The following MYO9B variants were observed in gnomAD, a reference collection of about 807,000 sequenced individuals.
MYO9B encodes myosin IXB, also known as unconventional myosin-IXb.
A neutral mutation model predicts 229.5 loss-of-function variants in MYO9B; 71 were observed. That is an observed-to-expected ratio of 0.31 (90% CI 0.26 to 0.38). The LOEUF (loss-of-function observed/expected upper bound fraction) is 0.38, where lower values mean the gene tolerates loss of function less well. Ranked by LOEUF, MYO9B falls within the 10% of genes least tolerant of loss-of-function variation. The probability of loss-of-function intolerance (pLI) is 1.00; values close to 1 mark genes in which losing one functional copy is unlikely to be tolerated. For synonymous variants in MYO9B, 1,185 were observed against 1,235.8 expected (o/e 0.96, Z 0.86); for missense variants, 2,255 against 2,920.5 (o/e 0.77, Z 5.25).
In MYO9B at chr19:17,210,324, C is replaced by G; in HGVS notation, c.5749-9C>G. The G allele has an allele frequency of 1.3e-6, 2 of 1,593,336 alleles. No individual in the cohort carries two copies. The highest frequency in any genetic ancestry group is 1.7e-6 in the Non-Finnish European group (2 of 1,169,464). ...CCGTGTGGTCACCCTGTGTTCATCT[C>G]TCTCCCAGCCATGGCCTCTCAAACT... is the stretch of plus-strand genomic sequence containing the variant. On this transcript the variant is annotated splice_polypyrimidine_tract_variant and intron_variant, in intron 36 of 39. Transcript: ENST00000682292.
intron 13 of MYO9B, among the ~76,000 whole-genome samples, chr19:17,175,164 T>G (rs1006802816): frequency 1.3e-5 from 2 of 151,502 alleles, no homozygotes; most frequent in Admixed American, 1.3e-4. Flanking sequence ...CCCCAGCTAC[T>G]TGGGAGGCTG....
intron 2 of MYO9B, among the ~76,000 whole-genome samples, chr19:17,114,718 G>A (rs949873787): frequency 4.6e-5 from 7 of 152,020 alleles, no homozygotes; most frequent in African/African-American, 1.7e-4. Context: ...GGATTCTGTG[G>A]TCCTCCCTGT....
In MYO9B at chr19:17,140,739, C is replaced by T. The variant is rs769835704; in HGVS notation, c.841-4658C>T. 6.4e-4 allele frequency among the ~76,000 whole-genome samples: 97 copies of T among 151,270 alleles called. 1 individual carries two copies. The highest frequency in any genetic ancestry group is 1.4e-3 in the Admixed American group (21 of 15,228). On this transcript the variant is annotated intron_variant, in intron 2 of 39. Coordinates refer to ENST00000682292, the MANE Select transcript of MYO9B (RefSeq NM_004145.4). Reference sequence around the variant, plus strand: ...CTGACCTCAGGTGATCCGCCTGCCTCGGCCTCCCAAAGTGCTGGGATTACA... The same window carrying T: ...CTGACCTCAGGTGATCCGCCTGCCTTGGCCTCCCAAAGTGCTGGGATTACA...
intron 19 of MYO9B, among the ~76,000 whole-genome samples, chr19:17,188,665 G>C (rs1385574612): frequency 6.6e-6 from 1 of 152,092 alleles, no homozygotes; most frequent in Non-Finnish European, 1.5e-5. Flanking sequence ...CAGAAATGCT[G>C]GTGTATTTTA....
chr19:17,108,230 C>T (rs1010281144), intron 2 of MYO9B, among the ~76,000 whole-genome samples: 7 of 152,224 alleles, frequency 4.6e-5, no homozygotes, highest in Non-Finnish European at 8.8e-5. Context: ...TTTTCTCCAG[C>T]GGTTCTAAGC....
chr19:17,156,231 G>A (rs1326998007), intron 6 of MYO9B, among the ~76,000 whole-genome samples: 2 of 151,930 alleles, frequency 1.3e-5, no homozygotes, highest in South Asian at 2.1e-4. Context: ...AGAGGGATCC[G>A]TACACTTCTT....
At chr19:17,201,878 A>C (rs570846437) in intron 26 of MYO9B, 48 bp from the exon 27 acceptor site, 2 of 1,449,142 alleles carry the variant, frequency 1.4e-6, no homozygotes, top group South Asian at 2.4e-5. Context: ...TCGGGTACGC[A>C]GGTCCCCAGG....
chr19:17,209,746 G>T, intron 36 of MYO9B, 37 bp downstream of exon 36: 1 of 1,609,782 alleles, frequency 6.2e-7, no homozygotes, highest in Non-Finnish European at 8.5e-7. Context: ...GACCTCTTTG[G>T]TGGGGCGGAG....
At chr19:17,105,993 C>T (rs554080229) in intron 2 of MYO9B, among the ~76,000 whole-genome samples, 1 of 150,680 alleles carries the variant, frequency 6.6e-6, no homozygotes, top group Non-Finnish European at 1.5e-5. Flanking sequence ...CTCCCCTCCC[C>T]TCTCCTCGCC....
chr19:17,191,032 T>C, intron 19 of MYO9B, 65 bp from the exon 20 acceptor site: 1 of 1,515,936 alleles, frequency 6.6e-7, no homozygotes, highest in Admixed American at 1.9e-5. Context: ...TCACCAGATC[T>C]CTGTCTCCTC....
intron 22 of MYO9B, 51 bp from the exon 23 acceptor site, chr19:17,197,741 T>C: frequency 1.2e-6 from 2 of 1,601,924 alleles, no homozygotes; most frequent in South Asian, 2.2e-5. Flanking sequence ...GACAAGAAAA[T>C]GCCACTGACT....
At chr19:17,210,263 G>A in intron 36 of MYO9B, 70 bp from the exon 37 acceptor site, 6 of 1,450,062 alleles carry the variant, frequency 4.1e-6, no homozygotes, top group Non-Finnish European at 5.5e-6. Flanking sequence ...CCGGTCATTG[G>A]ATGTATCCCC....
chr19:17,170,092 T>C (rs1318444020), intron 11 of MYO9B, among the ~76,000 whole-genome samples: 1 of 151,654 alleles, frequency 6.6e-6, no homozygotes, highest in Non-Finnish European at 1.5e-5. Context: ...AGATGGAATC[T>C]CCCTGTATTG....
intron 1 of MYO9B, among the ~76,000 whole-genome samples, chr19:17,078,234 G>T (rs2057504108): frequency 6.6e-6 from 1 of 152,158 alleles, no homozygotes; most frequent in Non-Finnish European, 1.5e-5. Flanking sequence ...CGACAACTTT[G>T]CACTTCCTCT....
intron 2 of MYO9B, among the ~76,000 whole-genome samples, chr19:17,139,427 C>T (rs2072310441): frequency 6.6e-6 from 1 of 152,072 alleles, no homozygotes; most frequent in African/African-American, 2.4e-5. Context: ...CCAGCCTGGG[C>T]GACAGACCAA....
At position 17,186,014 on chromosome 19, in the gene MYO9B, A is replaced by G; in HGVS notation, c.2577+13A>G. ...CAATGCTGAAAAGGTGAGTTTCTCTAAGGTGTTTGGGAGGAGAAGGCCCAT... is the reference window on the plus strand; with the variant it reads ...CAATGCTGAAAAGGTGAGTTTCTCTGAGGTGTTTGGGAGGAGAAGGCCCAT... On this transcript the variant is annotated intron_variant, in intron 18 of 39. Coordinates refer to ENST00000682292, the MANE Select transcript of MYO9B (RefSeq NM_004145.4). 2 of 1,612,140 alleles carry G rather than the reference A, an allele frequency of 1.2e-6. No individual in the cohort carries two copies. Among genetic ancestry groups the G allele is most frequent in the Non-Finnish European group, 1.7e-6 (2 of 1,178,596 alleles).
At chr19:17,208,953 G>A (rs1412271664) in intron 35 of MYO9B, among the ~76,000 whole-genome samples, 1 of 150,562 alleles carries the variant, frequency 6.6e-6, no homozygotes. Context: ...ACCACTCAGG[G>A]CTGAGTCCCT....
intron 9 of MYO9B, among the ~76,000 whole-genome samples, 155 bp from the exon 10 acceptor site, chr19:17,162,833 T>A (rs576690912): frequency 6.6e-6 from 1 of 152,016 alleles, no homozygotes; most frequent in African/African-American, 2.4e-5. Flanking sequence ...CAAAAAAAAA[T>A]TATGGATTCC....
At chr19:17,124,723 G>A (rs2057998182) in intron 2 of MYO9B, among the ~76,000 whole-genome samples, 1 of 141,516 alleles carries the variant, frequency 7.1e-6, no homozygotes, top group Admixed American at 7.5e-5. Context: ...TCGCGCCACT[G>A]CACTCCAGCC....
Sources: gnomAD v4.1 joint callset for allele counts (sites outside exome capture counted in the v4.1 genomes callset) on GRCh38, gnomAD v4.1.1 for gene constraint, MANE v1.5 for transcripts, NCBI Gene and HGNC (gene_info 2026-07-23, HGNC 2026-07-21) for gene names.